ATP9A: variants seen among roughly 807,000 people sequenced by gnomAD.
ATP9A encodes the protein ATPase phospholipid transporting 9A, also known as probable phospholipid-transporting ATPase IIA.
In ATP9A, 52 loss-of-function variants were observed where a neutral mutation model predicts 144.1. The ratio of observed to expected loss-of-function variants is 0.36; its 90% CI spans 0.29 to 0.45. The LOEUF (loss-of-function observed/expected upper bound fraction) is 0.45, where lower values mean the gene tolerates loss of function less well. ATP9A is among the 20% of genes least tolerant of loss of function. The pLI is 1.00. For missense variants in ATP9A, 947 were observed against 1,392.7 expected (o/e 0.68, Z 5.09); for synonymous variants, 582 against 557.4 (o/e 1.04, Z -0.62).
intron 13 of ATP9A, among the ~76,000 whole-genome samples, chr20:51,662,091 C>A (rs1376991284): frequency 6.6e-6 from 1 of 152,156 alleles, no homozygotes; most frequent in Non-Finnish European, 1.5e-5. Flanking sequence ...AATAATCCAG[C>A]CCCAATAATG....
At chr20:51,699,448 CA>C (rs1188613481) in intron 4 of ATP9A, among the ~76,000 whole-genome samples, 5 of 151,284 alleles carry the variant, frequency 3.3e-5, no homozygotes, top group African/African-American at 1.2e-4. Flanking sequence ...AATTTAATAT[CA>C]TTTATTTTTT....
chr20:51,663,300 T>A (rs2077418639), intron 13 of ATP9A, among the ~76,000 whole-genome samples: 1 of 152,148 alleles, frequency 6.6e-6, no homozygotes, highest in Non-Finnish European at 1.5e-5. Flanking sequence ...GCATTTGGCG[T>A]TTTGTCCACC....
intron 3 of ATP9A, among the ~76,000 whole-genome samples, chr20:51,714,096 G>A (rs754420650): frequency 4.0e-5 from 6 of 151,896 alleles, no homozygotes; most frequent in Non-Finnish European, 5.9e-5. Flanking sequence ...TAGTAGAGAC[G>A]AGGTTTCACC....
At chr20:51,682,765 G>C (rs1381709372) in intron 9 of ATP9A, among the ~76,000 whole-genome samples, 1 of 147,374 alleles carries the variant, frequency 6.8e-6, no homozygotes, top group Non-Finnish European at 1.5e-5. Context: ...CTAATTTTTT[G>C]TATTTTTAGT....
chr20:51,749,435 T>C (rs550534248), intron 1 of ATP9A, among the ~76,000 whole-genome samples: 1 of 152,148 alleles, frequency 6.6e-6, no homozygotes, highest in African/African-American at 2.4e-5. Context: ...CCAGCTAAGT[T>C]TGCTATTTGT....
At chr20:51,704,182 T>TAAAAAAAAAAAAAAAAA (rs11086355) in intron 4 of ATP9A, among the ~76,000 whole-genome samples, 1 of 130,506 alleles carries the variant, frequency 7.7e-6, no homozygotes, top group African/African-American at 2.8e-5. Context: ...AGTGGGAACT[T>TAAAAAAAAAAAAAAAAA]AAAAAAAAAA....
Position 51,689,126 on chromosome 20 carries a change from G to A in ATP9A, c.737C>T (p.Pro246Leu). Reference sequence around the variant, plus strand: ...TATGCTCAGGCTCTCGCTGATCGGGGGGTCGCTGTCTTCCTGGAAAAGACC... The same window carrying A: ...TATGCTCAGGCTCTCGCTGATCGGGAGGTCGCTGTCTTCCTGGAAAAGACC... Reference protein sequence around the residue: ...VGTFTREDSDPPISESLSIEN... With the variant: ...VGTFTREDSDLPISESLSIEN... Residue 246 changes from proline (P) to leucine (L), a missense_variant, in exon 9 of 28, where the codon CCC (proline) becomes CTC (leucine). Around this residue, in one of 2 missense-constraint regions of ATP9A, gnomAD observed 770 missense variants for 1,047.9 expected, o/e 0.73. Coordinates refer to ENST00000338821, the MANE Select transcript of ATP9A (RefSeq NM_006045.3). 1 of 1,613,964 alleles carries A rather than the reference G, an allele frequency of 6.2e-7. No individual in the cohort carries two copies. Among genetic ancestry groups the A allele is most frequent in the Non-Finnish European group, 8.5e-7 (1 of 1,179,970 alleles).
At chr20:51,617,593 T>C in intron 21 of ATP9A, 39 bp from the exon 22 acceptor site, 1 of 1,598,702 alleles carries the variant, frequency 6.3e-7, no homozygotes, top group Non-Finnish European at 8.5e-7. Context: ...GATGTTTCAT[T>C]CTTACCTTAA....
intron 9 of ATP9A, among the ~76,000 whole-genome samples, chr20:51,677,661 T>C (rs1018395712): frequency 5.9e-5 from 9 of 152,130 alleles, no homozygotes; most frequent in Non-Finnish European, 1.2e-4. Flanking sequence ...CTAAACCTGA[T>C]CCCTTTCAGT....
intron 14 of ATP9A, among the ~76,000 whole-genome samples, chr20:51,654,512 TAA>T (rs750912810): frequency 1.4e-5 from 2 of 140,734 alleles, no homozygotes. Flanking sequence ...GTTAAATGTT[TAA>T]AAAAAAAAAA....
intron 23 of ATP9A, among the ~76,000 whole-genome samples, chr20:51,612,156 C>T (rs1251216477): frequency 6.8e-6 from 1 of 147,488 alleles, no homozygotes; most frequent in Non-Finnish European, 1.5e-5. Flanking sequence ...GTCTCATCAT[C>T]CCCGTTTTCC....
At chr20:51,656,416 G>C (rs1272128816) in intron 14 of ATP9A, among the ~76,000 whole-genome samples, 1 of 152,084 alleles carries the variant, frequency 6.6e-6, no homozygotes, top group Non-Finnish European at 1.5e-5. Context: ...AGCCGGGCAT[G>C]GTGGTGGGTG....
At chr20:51,761,212 G>A (rs756676197) in intron 1 of ATP9A, among the ~76,000 whole-genome samples, 3 of 152,152 alleles carry the variant, frequency 2.0e-5, no homozygotes, top group Non-Finnish European at 4.4e-5. Context: ...CCAAAACACT[G>A]CAGGTCCTAA....
chr20:51,735,123 G>A lies in ATP9A; in HGVS notation c.69-5145C>T, dbSNP rs554038903. 3.0e-4 allele frequency: 48 copies of A among 160,270 alleles called. 1 individual carries two copies. In the South Asian group the frequency reaches 6.8e-3, roughly 23 times the overall value. 9.9% of individuals were successfully genotyped at this position (160,270 alleles called of 1,614,324 possible). On this transcript the variant is annotated intron_variant, in intron 1 of 27. Transcript: ENST00000338821. ...GGATTGGTATGACCTCTGGGCTGCC[G>A]TCTGCATGGGGTTGGTATCTTCCTG...
At chr20:51,728,798 G>A (rs67499915) in intron 2 of ATP9A, among the ~76,000 whole-genome samples, 32,360 of 151,950 alleles carry the variant, frequency 0.21, 3,990 homozygotes, top group East Asian at 0.38. Context: ...CCTTGAACTC[G>A]ACTATATAAT....
At chr20:51,615,593 T>A (rs2077200207) in intron 22 of ATP9A, among the ~76,000 whole-genome samples, 1 of 152,194 alleles carries the variant, frequency 6.6e-6, no homozygotes, top group South Asian at 2.1e-4. Context: ...ACTCATTTGA[T>A]GCAGTTACCT....
intron 3 of ATP9A, among the ~76,000 whole-genome samples, chr20:51,721,810 A>G (rs1260409790): frequency 2.7e-5 from 4 of 150,648 alleles, no homozygotes; most frequent in African/African-American, 7.3e-5. Flanking sequence ...CAAAAAAAAA[A>G]AAAAAGAAAA....
rs2077914817 is a variant in ATP9A at position 51,768,292 on chromosome 20, GC to G, written c.68+9del. The G allele has an allele frequency of 1.6e-6, 2 of 1,283,762 alleles. No individual in the cohort carries two copies. Among genetic ancestry groups the G allele is most frequent in the Non-Finnish European group, 2.0e-6 (2 of 1,006,978 alleles). 79.5% of individuals were successfully genotyped at this position (1,283,762 alleles called of 1,614,324 possible). The stretch of plus-strand genomic sequence containing the variant: ...CGGACAAAGGAAAACACGGGCCCAG[GC>G]CCACTCACCCGGCGCGGGGCCTGCT... On this transcript the variant is annotated intron_variant, in intron 1 of 27. Coordinates refer to ENST00000338821, the MANE Select transcript of ATP9A (RefSeq NM_006045.3).
At chr20:51,754,527 C>A (rs796458079) in intron 1 of ATP9A, among the ~76,000 whole-genome samples, 18 of 152,082 alleles carry the variant, frequency 1.2e-4, no homozygotes, top group African/African-American at 4.1e-4. Context: ...GAATAAATTT[C>A]TTAGGTCAGG....
Sources: allele counts gnomAD v4.1 joint callset (sites outside exome capture counted in the v4.1 genomes callset), GRCh38; gene constraint gnomAD v4.1.1; regional missense constraint gnomAD v4.1.1; transcripts MANE v1.5; gene names NCBI Gene and HGNC (gene_info 2026-07-23, HGNC 2026-07-21).